Variants in ZFHX3 observed in about 807,000 individuals in gnomAD.
ZFHX3 encodes zinc finger homeobox 3.
In ZFHX3, 42 loss-of-function variants were observed where a neutral mutation model predicts 279.1. That is an observed-to-expected ratio of 0.15 (90% CI 0.12 to 0.19). The LOEUF is 0.19. Ranked by LOEUF, ZFHX3 falls within the 10% of genes least tolerant of loss-of-function variation. The probability of loss-of-function intolerance (pLI) is 1.00; values close to 1 mark genes in which losing one functional copy is unlikely to be tolerated. For missense variants in ZFHX3, 4,981 were observed against 4,754.0 expected (o/e 1.05, Z -1.40); for synonymous variants, 2,293 against 1,957.8 (o/e 1.17, Z -4.52).
chr16:72,799,993 T>A, intron 8 of ZFHX3, 34 bp downstream of exon 8: 1 of 1,596,046 alleles, frequency 6.3e-7, no homozygotes, highest in East Asian at 2.2e-5. Flanking sequence ...CCATCTTGTT[T>A]CAATTTCTTG....
intron 1 of ZFHX3, among the ~76,000 whole-genome samples, chr16:73,703,519 G>A (rs1249989810): frequency 6.6e-6 from 1 of 152,092 alleles, no homozygotes; most frequent in Non-Finnish European, 1.5e-5. Context: ...TGTGGGAAGG[G>A]GAAGGTTTAT....
intron 2 of ZFHX3, among the ~76,000 whole-genome samples, chr16:73,650,041 T>C (rs1346154257): frequency 6.6e-6 from 1 of 152,172 alleles, no homozygotes; most frequent in Admixed American, 6.5e-5. Context: ...AGAAAAATAA[T>C]GGTAACCATG....
chr16:72,889,249 A>C (rs1222011423), intron 4 of ZFHX3, among the ~76,000 whole-genome samples: 4 of 152,148 alleles, frequency 2.6e-5, no homozygotes, highest in Admixed American at 6.5e-5. Flanking sequence ...ATTCCTCTCT[A>C]AAGTTCAGTT....
At chr16:73,107,082 C>T (rs1378851804) in intron 7 of ZFHX3, among the ~76,000 whole-genome samples, 4 of 152,074 alleles carry the variant, frequency 2.6e-5, no homozygotes, top group South Asian at 2.1e-4. Flanking sequence ...TTTGGGAGGA[C>T]GAGGCAGGCA....
intron 2 of ZFHX3, among the ~76,000 whole-genome samples, chr16:73,562,333 C>T (rs1273271030): frequency 2.0e-5 from 3 of 152,120 alleles, no homozygotes; most frequent in Non-Finnish European, 2.9e-5. Flanking sequence ...CGGTGGCTCA[C>T]ACCTGTAATC....
At chr16:73,132,271 C>A (rs1173178946) in intron 6 of ZFHX3, among the ~76,000 whole-genome samples, 2 of 151,598 alleles carry the variant, frequency 1.3e-5, no homozygotes, top group East Asian at 1.9e-4. Flanking sequence ...GGTGACAGAG[C>A]AAGACTCTGT....
At chr16:73,153,431 T>C (rs1309829625) in intron 5 of ZFHX3, among the ~76,000 whole-genome samples, 1 of 145,030 alleles carries the variant, frequency 6.9e-6, no homozygotes, top group Non-Finnish European at 1.5e-5. Context: ...TGAATTTTAA[T>C]GAAGCCCTTT....
intron 2 of ZFHX3, among the ~76,000 whole-genome samples, chr16:73,567,582 T>C (rs1210528241): frequency 6.6e-6 from 1 of 152,240 alleles, no homozygotes; most frequent in Non-Finnish European, 1.5e-5. Flanking sequence ...GTCCAGCGTC[T>C]TCTCTTTCCT....
chr16:73,220,611 A>T (rs2012381693), intron 5 of ZFHX3, among the ~76,000 whole-genome samples: 1 of 152,180 alleles, frequency 6.6e-6, no homozygotes, highest in Non-Finnish European at 1.5e-5. Context: ...GAATCCCTTC[A>T]TGCTGCTATG....
chr16:73,447,790 A>T (rs1474166239), intron 3 of ZFHX3, among the ~76,000 whole-genome samples: 1 of 152,224 alleles, frequency 6.6e-6, no homozygotes, highest in Non-Finnish European at 1.5e-5. Flanking sequence ...AGCTCTACAT[A>T]TTAAGCAAGA....
intron 1 of ZFHX3, among the ~76,000 whole-genome samples, chr16:73,787,240 C>T (rs1028630508): frequency 1.3e-5 from 2 of 152,092 alleles, no homozygotes; most frequent in African/African-American, 2.4e-5. Context: ...GGAATGCTAA[C>T]AAATGATCAT....
chr16:73,712,606 G>C (rs1405625590), intron 1 of ZFHX3, among the ~76,000 whole-genome samples: 2 of 152,182 alleles, frequency 1.3e-5, no homozygotes, highest in East Asian at 1.9e-4. Flanking sequence ...GCCAGAGCAA[G>C]GGCAGGTGGC....
rs200987728 is a variant in ZFHX3 at position 72,959,590 on chromosome 16, A to C, written c.556T>G (p.Cys186Gly). The change falls in exon 2 of 10, where the codon TGT becomes GGT. Residue 186 changes from cysteine (C) to glycine (G), a missense_variant. By Grantham distance (159) the Cys-to-Gly change is radical. Around this residue, in one of 7 missense-constraint regions of ZFHX3, gnomAD observed 1,068 missense variants for 935.2 expected, o/e 1.14. Transcript: ENST00000268489. ...ATCTGCGGGTACACGGGTGCAGCACACGAAGGGTCCCCTTGCTTGCCCCCC... is the reference window on the plus strand; with the variant it reads ...ATCTGCGGGTACACGGGTGCAGCACCCGAAGGGTCCCCTTGCTTGCCCCCC... ...GAGGKQGDPS[C>G]AAPVYPQIIN... 1.9e-4 allele frequency: 310 copies of C among 1,614,154 alleles called. No homozygotes were observed. The highest frequency in any genetic ancestry group is 2.5e-4 in the Non-Finnish European group (300 of 1,180,036).
At chr16:72,869,424 T>G (rs1360805109) in intron 4 of ZFHX3, among the ~76,000 whole-genome samples, 1 of 152,236 alleles carries the variant, frequency 6.6e-6, no homozygotes, top group Non-Finnish European at 1.5e-5. Context: ...AAGTTACAAT[T>G]TATCATAATA....
chr16:73,579,909 TTATAAAG>T (rs1279255644), intron 2 of ZFHX3, among the ~76,000 whole-genome samples: 2 of 146,420 alleles, frequency 1.4e-5, no homozygotes, highest in African/African-American at 5.1e-5. Flanking sequence ...ATATAATGTA[TTATAAAG>T]TATAATGTAT....
chr16:73,818,467 C>G (rs1004079591), intron 1 of ZFHX3, among the ~76,000 whole-genome samples: 4 of 152,114 alleles, frequency 2.6e-5, no homozygotes, highest in Non-Finnish European at 5.9e-5. Context: ...CTGTCATCAA[C>G]GCAGCATCAT....
intron 2 of ZFHX3, among the ~76,000 whole-genome samples, chr16:73,604,388 C>A (rs892676573): frequency 2.0e-5 from 3 of 152,100 alleles, no homozygotes; most frequent in African/African-American, 7.2e-5. Flanking sequence ...AATTTCAAAT[C>A]TAATCCACTG....
chr16:73,263,473 G>A (rs763442877), intron 4 of ZFHX3, among the ~76,000 whole-genome samples: 1 of 152,214 alleles, frequency 6.6e-6, no homozygotes, highest in Non-Finnish European at 1.5e-5. Context: ...ACAGGCGTAA[G>A]CCACTGTGCC....
intron 2 of ZFHX3, among the ~76,000 whole-genome samples, chr16:73,498,155 C>T (rs915806183): frequency 1.4e-4 from 21 of 152,166 alleles, no homozygotes; most frequent in South Asian, 6.2e-4. Flanking sequence ...CTTGTAAAAG[C>T]GTAACAGAAA....
Sources: allele counts gnomAD v4.1 joint callset (sites outside exome capture counted in the v4.1 genomes callset), GRCh38; gene constraint gnomAD v4.1.1; regional missense constraint gnomAD v4.1.1; transcripts MANE v1.5; gene names NCBI Gene and HGNC (gene_info 2026-07-23, HGNC 2026-07-21).